Variants in VEZF1 observed in about 807,000 individuals in gnomAD.
The protein encoded by VEZF1 is vascular endothelial zinc finger 1.
In VEZF1, 5 loss-of-function variants were observed where a neutral mutation model predicts 44.1. That is an observed-to-expected ratio of 0.11 (90% CI 0.06 to 0.24). VEZF1 has a LOEUF of 0.24. VEZF1 is among the 10% of genes least tolerant of loss of function. The pLI, the probability that VEZF1 is intolerant of heterozygous loss-of-function variation, is 1.00. For missense variants in VEZF1, 358 were observed against 641.8 expected, an observed-to-expected ratio of 0.56 and a Z score of 4.78; for synonymous variants, 236 against 233.1, an observed-to-expected ratio of 1.01 and a Z score of -0.11.
In VEZF1 at chr17:57,979,225, A is replaced by ATGTTGTTGT; in HGVS notation, c.1056_1064dup (p.Gln352_Gln354dup). The ATGTTGTTGT allele has an allele frequency of 1.9e-6, 3 of 1,610,300 alleles. No individual in the cohort carries two copies. The African/African-American group carries it at 4.1e-5, about 22-fold the overall frequency. On this transcript the variant is annotated inframe_insertion, in exon 5 of 6. Coordinates refer to ENST00000581208, the MANE Select transcript of VEZF1 (RefSeq NM_007146.3). The stretch of plus-strand genomic sequence containing the variant: ...CTTGCTTCCCTGGCCAGCTTGTCAC[A>ATGTTGTTGT]TGTTGTTGTTGTTGTTGTTGCTGCT...
Position 57,974,536 on chromosome 17 carries a change from T to C in VEZF1, c.1503A>G (p.Ala501=), listed in dbSNP as rs533322413. 2 of 1,614,110 alleles carry C rather than the reference T, an allele frequency of 1.2e-6. No individual in the cohort carries two copies. The highest frequency in any genetic ancestry group is 2.2e-5 in the South Asian group (2 of 91,074). ...PMTLAAPLNI[A]MRPVESMPFL... ...AAGGCATGCTCTCTACAGGTCTCAT[T>C]GCTATATTGAGAGGGGCGGCTAATG... The change falls in exon 6 of 6, where the codon GCA becomes GCG. Residue 501 remains alanine (A), a synonymous_variant. Coordinates refer to ENST00000581208, the MANE Select transcript of VEZF1 (RefSeq NM_007146.3).
intron 1 of VEZF1, among the ~76,000 whole-genome samples, chr17:57,984,535 C>T (rs558492606): frequency 4.4e-4 from 67 of 152,294 alleles, no homozygotes; most frequent in Non-Finnish European, 8.2e-4. Flanking sequence ...GATGCATGCA[C>T]TCAAGAGGAG....
intron 5 of VEZF1, among the ~76,000 whole-genome samples, chr17:57,977,800 T>G (rs2075206530): frequency 6.8e-6 from 1 of 147,808 alleles, no homozygotes; most frequent in South Asian, 2.1e-4. Context: ...GACAAGATCA[T>G]GCCATTGCAC....
intron 2 of VEZF1, among the ~76,000 whole-genome samples, 154 bp from the exon 3 acceptor site, chr17:57,982,090 C>T (rs2075254259): frequency 6.6e-6 from 1 of 152,200 alleles, no homozygotes; most frequent in Non-Finnish European, 1.5e-5. Context: ...AAGTCTCCTT[C>T]CCTCTCTTAC....
chr17:57,988,148 C>G lies in VEZF1; in HGVS notation c.-37G>C, dbSNP rs1333921452. On this transcript the variant is annotated 5_prime_UTR_variant, in exon 1 of 6. Coordinates refer to ENST00000581208, the MANE Select transcript of VEZF1 (RefSeq NM_007146.3). ...CCGACCCCCCTCCTCCCCACTCCCC[C>G]CGCTCGGGGAGCCTCCTCAGCCGGA... 1 of 688,400 alleles carries G rather than the reference C, an allele frequency of 1.5e-6. No individual in the cohort carries two copies. The highest frequency in any genetic ancestry group is 1.9e-6 in the Non-Finnish European group (1 of 521,158). The allele number at this position is 688,400 out of a possible 1,614,324, so 42.6% of individuals were successfully genotyped here. A position where few individuals can be genotyped will look rare whatever the true frequency, so the allele number is the denominator to read the frequency against.
At position 57,974,396 on chromosome 17, in the gene VEZF1, T is replaced by C; in HGVS notation, c.*77A>G. 1 of 1,469,002 alleles carries C rather than the reference T, an allele frequency of 6.8e-7. No homozygotes were observed. Among genetic ancestry groups the C allele is most frequent in the East Asian group, 2.3e-5 (1 of 42,916 alleles). The allele number at this position is 1,469,002 out of a possible 1,614,324, so 91.0% of individuals were successfully genotyped here. A position where few individuals can be genotyped will look rare whatever the true frequency, so the allele number is the denominator to read the frequency against. On this transcript the variant is annotated 3_prime_UTR_variant, in exon 6 of 6. Transcript: ENST00000581208. ...AAAATCTCCCAATTTCATGGTTTAC[T>C]TTTTGCTTTAATCAACTAAAAGTTA...
rs541990591 is a variant in VEZF1 at position 57,984,560 on chromosome 17, A to T, written c.34-1167T>A. 2.6e-5 allele frequency among the ~76,000 whole-genome samples: 4 copies of T among 152,308 alleles called. No individual in the cohort carries two copies. In the East Asian group the frequency reaches 7.7e-4, roughly 29 times the overall value. On this transcript the variant is annotated intron_variant, in intron 1 of 5. Coordinates refer to ENST00000581208, the MANE Select transcript of VEZF1 (RefSeq NM_007146.3). Reference sequence around the variant, plus strand: ...CTCAAGAGGAGTTTCAAATATTTTAAGCATACAATGTCCTACTAGGGGCCC... The same window carrying T: ...CTCAAGAGGAGTTTCAAATATTTTATGCATACAATGTCCTACTAGGGGCCC...
At chr17:57,985,187 A>C (rs1173140847) in intron 1 of VEZF1, 1 of 1,032,720 alleles carries the variant, frequency 9.7e-7, no homozygotes, top group East Asian at 3.3e-5. Context: ...GTTCAGACTT[A>C]TAGCATTTAG....
In VEZF1 at chr17:57,974,758, T is replaced by G; in HGVS notation, c.1281A>C (p.Pro427=). ...TGTTAACTGCACTTGAAACATTTAC[T>G]GGACTTCTCATGCTCATTGCAGCTG... ...TVAAAMSMRS[P]VNVSSAVNIT... The change falls in exon 6 of 6, where the codon CCA becomes CCC. Residue 427 remains proline (P), a synonymous_variant. Transcript: ENST00000581208. 1 of 1,614,214 alleles carries G rather than the reference T, an allele frequency of 6.2e-7. No homozygotes were observed. Among genetic ancestry groups the G allele is most frequent in the South Asian group, 1.1e-5 (1 of 91,076 alleles).
At chr17:57,981,025 G>A (rs2075245354) in intron 3 of VEZF1, among the ~76,000 whole-genome samples, 1 of 152,136 alleles carries the variant, frequency 6.6e-6, no homozygotes, top group Admixed American at 6.5e-5. Flanking sequence ...GTAAGCTTTA[G>A]GGTAAGTTAA....
Position 57,977,325 on chromosome 17 carries a change from C to T in VEZF1, c.1138+1827G>A, listed in dbSNP as rs554855535. On this transcript the variant is annotated intron_variant, in intron 5 of 5. Transcript: ENST00000581208. ...TTGTTTTTGTAGAGATGGGGTCTTG[C>T]CATCTTGCCCAGGCTGGTCTCAAAC... Among the ~76,000 whole-genome samples, 10 of 152,098 alleles carry T rather than the reference C, an allele frequency of 6.6e-5. No individual in the cohort carries two copies. In the South Asian group the frequency reaches 2.1e-3, roughly 32 times the overall value.
At chr17:57,984,540 G>C (rs1380782152) in intron 1 of VEZF1, among the ~76,000 whole-genome samples, 2 of 152,168 alleles carry the variant, frequency 1.3e-5, no homozygotes, top group Admixed American at 6.5e-5. Flanking sequence ...ATGCACTCAA[G>C]AGGAGTTTCA....
At chr17:57,977,227 C>G (rs2075200651) in intron 5 of VEZF1, among the ~76,000 whole-genome samples, 1 of 152,036 alleles carries the variant, frequency 6.6e-6, no homozygotes, top group Non-Finnish European at 1.5e-5. Flanking sequence ...AGTGACCCTC[C>G]CACCTTAGCT....
intron 5 of VEZF1, among the ~76,000 whole-genome samples, chr17:57,978,250 G>C (rs796536890): frequency 1.9e-4 from 29 of 151,670 alleles, no homozygotes; most frequent in African/African-American, 6.8e-4. Context: ...AGGAAGGGAA[G>C]AGCCACACTA....
intron 5 of VEZF1, among the ~76,000 whole-genome samples, chr17:57,977,921 G>A (rs2075208099): frequency 6.6e-6 from 1 of 151,750 alleles, no homozygotes; most frequent in Non-Finnish European, 1.5e-5. Flanking sequence ...AGATCACTCT[G>A]GCCAGGTGTG....
At chr17:57,975,257 T>C (rs1377505358) in intron 5 of VEZF1, among the ~76,000 whole-genome samples, 1 of 152,248 alleles carries the variant, frequency 6.6e-6, no homozygotes, top group Non-Finnish European at 1.5e-5. Flanking sequence ...CTTCATGCAG[T>C]TCCTCTGAGT....
rs2143395053 is a variant in VEZF1 at position 57,988,158 on chromosome 17, A to G, written c.-47T>C. The G allele has an allele frequency of 3.5e-6, 2 of 563,466 alleles. No individual in the cohort carries two copies. The highest frequency in any genetic ancestry group is 2.1e-5 in the African/African-American group (1 of 48,762). 34.9% of individuals were successfully genotyped at this position (563,466 alleles called of 1,614,324 possible). On this transcript the variant is annotated 5_prime_UTR_variant, in exon 1 of 6. Transcript: ENST00000581208. Reference sequence around the variant, plus strand: ...TCCTCCCCACTCCCCCCGCTCGGGGAGCCTCCTCAGCCGGAGGAGGCGACA... The same window carrying G: ...TCCTCCCCACTCCCCCCGCTCGGGGGGCCTCCTCAGCCGGAGGAGGCGACA...
intron 5 of VEZF1, among the ~76,000 whole-genome samples, chr17:57,975,805 CTT>C (rs199966613): frequency 6.6e-6 from 1 of 151,934 alleles, no homozygotes; most frequent in Non-Finnish European, 1.5e-5. Context: ...AACCTGGACA[CTT>C]TTTTTTCTGA....
chr17:57,981,932 C>A lies in VEZF1; in HGVS notation c.733G>T (p.Asp245Tyr). 1 of 1,613,974 alleles carries A rather than the reference C, an allele frequency of 6.2e-7. No homozygotes were observed. The highest frequency in any genetic ancestry group is 1.1e-5 in the South Asian group (1 of 91,040). Reference protein sequence around the residue: ...SVCGKGFSRPDHLSCHVKHVH... With the variant: ...SVCGKGFSRPYHLSCHVKHVH... ...TGTTTTACATGACAGCTTAAGTGGTCAGGCCTGTGAAAAAGAGAGTTTCAA... is the reference window on the plus strand; with the variant it reads ...TGTTTTACATGACAGCTTAAGTGGTAAGGCCTGTGAAAAAGAGAGTTTCAA... Residue 245 changes from aspartate to tyrosine, a missense_variant, in exon 3 of 6, where the codon GAC becomes TAC. Asp to Tyr is a radical substitution (Grantham distance 160). Around this residue, in one of 4 missense-constraint regions of VEZF1, gnomAD observed 48 missense variants for 144.9 expected, o/e 0.33. Transcript: ENST00000581208.
Sources: gnomAD v4.1 joint callset for allele counts (sites outside exome capture counted in the v4.1 genomes callset) on GRCh38, gnomAD v4.1.1 for gene constraint, gnomAD v4.1.1 regional missense constraint, MANE v1.5 for transcripts, NCBI Gene and HGNC (gene_info 2026-07-23, HGNC 2026-07-21) for gene names.